The following DPYSL2 variants were observed in gnomAD, a reference collection of about 807,000 sequenced individuals.
DPYSL2 encodes the protein dihydropyrimidinase like 2, also known as dihydropyrimidinase-related protein 2.
Under a neutral mutation model 69.9 loss-of-function variants are expected in DPYSL2, and 13 were observed. The ratio of observed to expected loss-of-function variants is 0.19; its 90% CI spans 0.12 to 0.30. The LOEUF (loss-of-function observed/expected upper bound fraction) is 0.30. Among genes scored for constraint, DPYSL2 ranks in the 10% least tolerant of loss-of-function variants. DPYSL2 has a pLI of 1.00. For synonymous variants in DPYSL2, 326 were observed against 359.1 expected (o/e 0.91, Z 1.04); for missense variants, 587 against 918.9 (o/e 0.64, Z 4.67).
chr8:26,639,870 A>G (rs937648323), intron 8 of DPYSL2, among the ~76,000 whole-genome samples: 1 of 152,152 alleles, frequency 6.6e-6, no homozygotes, highest in Admixed American at 6.5e-5. Context: ...CTGAGAACGA[A>G]TTTCAGAAAC....
rs939036081 is a variant in DPYSL2, at chr8:26,517,315, A to G, written c.354+2636A>G. ...ATGTGCATTTGCAGGAACTAAATGA[A>G]ATTATATTCAGAGTATGAGCCAGAC... On this transcript the variant is annotated intron_variant, in intron 1 of 13. Transcript: ENST00000521913. The surrounding 1 kb of genome is among the most constrained non-coding windows in gnomAD (Gnocchi z 4.2). 6.6e-6 allele frequency among the ~76,000 whole-genome samples: 1 copy of G among 152,166 alleles called. No homozygotes were observed. Among genetic ancestry groups the G allele is most frequent in the African/African-American group, 2.4e-5 (1 of 41,432 alleles).
At chr8:26,630,555 T>C (rs1395270345) in intron 7 of DPYSL2, among the ~76,000 whole-genome samples, 2 of 152,292 alleles carry the variant, frequency 1.3e-5, no homozygotes, top group East Asian at 3.9e-4. Context: ...CTGGCCCACA[T>C]TTCAGTTTTG....
At chr8:26,628,417 T>C (rs1802667419) in intron 7 of DPYSL2, among the ~76,000 whole-genome samples, 1 of 152,132 alleles carries the variant, frequency 6.6e-6, no homozygotes, top group Admixed American at 6.5e-5. Flanking sequence ...ACAGAATCTT[T>C]TAAAATTATG....
At chr8:26,628,918 G>A (rs1337006227) in intron 7 of DPYSL2, among the ~76,000 whole-genome samples, 1 of 152,172 alleles carries the variant, frequency 6.6e-6, no homozygotes, top group African/African-American at 2.4e-5. Context: ...ATACCAGTGT[G>A]GGAGGGGAGC....
In DPYSL2 at chr8:26,514,643, C is replaced by T; in HGVS notation, c.318C>T (p.Ala106=). The T allele has an allele frequency of 1.4e-6, 2 of 1,458,032 alleles. No individual in the cohort carries two copies. Among genetic ancestry groups the T allele is most frequent in the South Asian group, 1.4e-5 (1 of 71,942 alleles). The allele number at this position is 1,458,032 out of a possible 1,614,324, so 90.3% of individuals were successfully genotyped here. A position where few individuals can be genotyped will look rare whatever the true frequency, so the allele number is the denominator to read the frequency against. Residue 106 remains alanine (A), a synonymous_variant, in exon 1 of 14, where the codon GCC becomes GCT. Transcript: ENST00000521913. The surrounding 1 kb of genome is among the most constrained non-coding windows in gnomAD (Gnocchi z 8.4). ...ESGRKVEIRR[A]SGKEALQNIN... ...GCCGGAAGGTGGAGATCCGGAGGGCCTCGGGCAAAGAAGCCCTGCAGAACA... is the reference window on the plus strand; with the variant it reads ...GCCGGAAGGTGGAGATCCGGAGGGCTTCGGGCAAAGAAGCCCTGCAGAACA...
intron 1 of DPYSL2, among the ~76,000 whole-genome samples, chr8:26,579,958 C>A (rs1233914233): frequency 3.4e-5 from 5 of 147,478 alleles, no homozygotes; most frequent in African/African-American, 1.0e-4. Flanking sequence ...AAGAGCGCCC[C>A]CCCCCCCACA....
intron 3 of DPYSL2, among the ~76,000 whole-genome samples, chr8:26,584,340 C>G (rs1317676703): frequency 6.6e-6 from 1 of 152,124 alleles, no homozygotes; most frequent in Non-Finnish European, 1.5e-5. Flanking sequence ...AGCCATTGAG[C>G]ATAAGTATTT....
intron 1 of DPYSL2, among the ~76,000 whole-genome samples, chr8:26,579,064 G>GT (rs2129720850): frequency 6.6e-6 from 1 of 152,336 alleles, no homozygotes; most frequent in South Asian, 2.1e-4. Flanking sequence ...GGAGGCGTCC[G>GT]TGTTGGTGCA....
chr8:26,547,824 A>C, intron 1 of DPYSL2: 1 of 357,128 alleles, frequency 2.8e-6, no homozygotes, highest in Non-Finnish European at 5.8e-6. Flanking sequence ...TGCCACAGAA[A>C]GTCATATATC....
In DPYSL2 at chr8:26,514,562, G is replaced by C. The variant is rs987444135; in HGVS notation, c.237G>C (p.Gln79His). 6.5e-6 allele frequency: 10 copies of C among 1,526,824 alleles called. No homozygotes were observed. In the Admixed American group the frequency reaches 8.0e-5, roughly 12 times the overall value. 94.6% of individuals were successfully genotyped at this position (1,526,824 alleles called of 1,614,324 possible). ...TCGCCCACTTGGGCCCGGACCCGCA[G>C]CCGCCGTACTCGCGGCAGGGCCGGC... ...RDVAHLGPDP[Q>H]PPYSRQGRRA... Residue 79 changes from glutamine to histidine, a missense_variant, in exon 1 of 14, where the codon CAG (glutamine) becomes CAC (histidine). By Grantham distance (24) the Gln-to-His change is conservative (BLOSUM62 0). Around this residue, in one of 3 missense-constraint regions of DPYSL2, gnomAD observed 85 missense variants for 77.7 expected, o/e 1.09. Transcript: ENST00000521913. This position sits in a 1 kb window ranked among gnomAD's most constrained non-coding sequence, Gnocchi z 8.4.
intron 3 of DPYSL2, among the ~76,000 whole-genome samples, chr8:26,611,130 G>A (rs1250780673): frequency 6.6e-6 from 1 of 152,220 alleles, no homozygotes; most frequent in Non-Finnish European, 1.5e-5. Flanking sequence ...GTCAGTGGTA[G>A]AGCCAGGATT....
At chr8:26,552,788 G>A (rs890671779) in intron 1 of DPYSL2, among the ~76,000 whole-genome samples, 1 of 152,176 alleles carries the variant, frequency 6.6e-6, no homozygotes, top group Non-Finnish European at 1.5e-5. Flanking sequence ...CCATTCATGA[G>A]TGCAGAGCCC....
intron 1 of DPYSL2, among the ~76,000 whole-genome samples, chr8:26,555,731 C>T (rs1800934468): frequency 1.3e-5 from 2 of 150,650 alleles, no homozygotes. Context: ...CAAAAAAATA[C>T]AAAAAATTAG....
At position 26,643,705 on chromosome 8, in the gene DPYSL2, C is replaced by T. The variant is rs1013991435; in HGVS notation, c.1283+110C>T. On this transcript the variant is annotated intron_variant, in intron 9 of 13. Coordinates refer to ENST00000521913, the MANE Select transcript of DPYSL2 (RefSeq NM_001197293.3). This position sits in a 1 kb window ranked among gnomAD's most constrained non-coding sequence, Gnocchi z 6.5. ...CAAGAGCAGCCATAAAACTGGGAGA[C>T]CCTTGTTCACCAAACTAGGTTGGCT... is the stretch of plus-strand genomic sequence containing the variant. The T allele has an allele frequency of 2.7e-6, 4 of 1,479,232 alleles. No homozygotes were observed. The highest frequency in any genetic ancestry group is 2.8e-5 in the African/African-American group (2 of 72,176). The allele number at this position is 1,479,232 out of a possible 1,614,324, so 91.6% of individuals were successfully genotyped here.
At position 26,626,627 on chromosome 8, in the gene DPYSL2, C is replaced by T. The variant is rs753902859; in HGVS notation, c.804C>T (p.Ser268=). 8.1e-6 allele frequency: 13 copies of T among 1,614,084 alleles called. 1 individual carries two copies. In the East Asian group the frequency reaches 2.5e-4, roughly 30 times the overall value. ...TTTTGTCCGCACTAGGGGTAAATTCCTTCCTCGTGTACATGGCTTTCAAAG... is the reference window on the plus strand; with the variant it reads ...TTTTGTCCGCACTAGGGGTAAATTCTTTCCTCGTGTACATGGCTTTCAAAG... The part of the protein sequence containing the change: ...EALVKDHGVN[S]FLVYMAFKDR... The change falls in exon 5 of 14, where the codon TCC becomes TCT. Residue 268 remains serine (S), a synonymous_variant. Transcript: ENST00000521913. The surrounding 1 kb of genome is among the most constrained non-coding windows in gnomAD (Gnocchi z 4.3).
rs563202767 is a variant in DPYSL2, at chr8:26,643,608, G to A, written c.1283+13G>A. The A allele has an allele frequency of 6.8e-6, 11 of 1,613,986 alleles. No homozygotes were observed. Among genetic ancestry groups the A allele is most frequent in the South Asian group, 3.3e-5 (3 of 91,070 alleles). ...CCTTGCTGTCCTGGTGAGTCCTGGC[G>A]ACTTGTTCACACTTCACATTCTGTC... On this transcript the variant is annotated intron_variant, in intron 9 of 13. Transcript: ENST00000521913. This position sits in a 1 kb window ranked among gnomAD's most constrained non-coding sequence, Gnocchi z 6.5.
chr8:26,633,099 C>A (rs946313683), intron 7 of DPYSL2, among the ~76,000 whole-genome samples: 2 of 152,184 alleles, frequency 1.3e-5, no homozygotes, highest in Non-Finnish European at 2.9e-5. Context: ...TAACAGTGTT[C>A]TGTGGAGCAG....
chr8:26,546,736 G>A (rs1012321119), intron 1 of DPYSL2, among the ~76,000 whole-genome samples: 5 of 151,196 alleles, frequency 3.3e-5, no homozygotes, highest in African/African-American at 9.7e-5. Context: ...TGGCTCACAC[G>A]GTGAAACCTC....
Position 26,593,700 on chromosome 8 carries a change from G to A in DPYSL2, c.628+9717G>A, listed in dbSNP as rs1801793603. On this transcript the variant is annotated intron_variant, in intron 3 of 13. Transcript: ENST00000521913. The surrounding 1 kb of genome is among the most constrained non-coding windows in gnomAD (Gnocchi z 5.7). The stretch of plus-strand genomic sequence containing the variant: ...CTGGTTAGGACTTGGAGTAAGTGGT[G>A]ATGAGCAAGAGCAGGGCTGGCTGGT... Among the ~76,000 whole-genome samples the A allele has an allele frequency of 1.3e-5, 2 of 152,220 alleles. No homozygotes were observed. The highest frequency in any genetic ancestry group is 4.1e-4 in the South Asian group (2 of 4,828).
Sources: allele counts gnomAD v4.1 joint callset (sites outside exome capture counted in the v4.1 genomes callset), GRCh38; gene constraint gnomAD v4.1.1; regional missense constraint gnomAD v4.1.1; non-coding constraint Gnocchi (gnomAD v3.1); transcripts MANE v1.5; gene names NCBI Gene and HGNC (gene_info 2026-07-23, HGNC 2026-07-21).